Variants in SLC66A3 observed in about 807,000 individuals in gnomAD.
SLC66A3 encodes PQ loop repeat containing 3.
Under a neutral mutation model 25.5 loss-of-function variants are expected in SLC66A3, and 23 were observed. That is an observed-to-expected ratio of 0.90 (90% CI 0.65 to 1.28). The LOEUF is 1.28. Among genes scored for constraint, SLC66A3 ranks in the 50% most tolerant of loss-of-function variants. The pLI is 0.00. For synonymous variants in SLC66A3, 108 were observed against 112.6 expected (o/e 0.96, Z 0.26); for missense variants, 246 against 262.1 (o/e 0.94, Z 0.42).
At chr2:11,172,072 A>AG in intron 5 of SLC66A3, 27 bp downstream of exon 5, 1 of 1,612,052 alleles carries the variant, frequency 6.2e-7, no homozygotes, top group Non-Finnish European at 8.5e-7. Context: ...CATGGTGGGG[A>AG]GGCCTTTGGT....
At chr2:11,164,343 A>C in intron 4 of SLC66A3, 82 bp downstream of exon 4, 1 of 112,580 alleles carries the variant, frequency 8.9e-6, no homozygotes, top group Non-Finnish European at 1.5e-5. Context: ...ATATATATAT[A>C]TATTTTTTTT....
At chr2:11,166,496 C>T (rs1662349696) in intron 4 of SLC66A3, among the ~76,000 whole-genome samples, 1 of 152,210 alleles carries the variant, frequency 6.6e-6, no homozygotes, top group African/African-American at 2.4e-5. Context: ...ACTAGATTCT[C>T]TGTTACATTT....
chr2:11,156,136 T>A (rs1240525576), intron 1 of SLC66A3, among the ~76,000 whole-genome samples: 1 of 152,202 alleles, frequency 6.6e-6, no homozygotes, highest in Admixed American at 6.5e-5. Context: ...TATGAATCTC[T>A]TCTCTTCTCC....
chr2:11,156,182 T>C (rs1241477810), intron 1 of SLC66A3, among the ~76,000 whole-genome samples: 1 of 152,196 alleles, frequency 6.6e-6, no homozygotes. Context: ...GGTTATTTAA[T>C]GAGATTCCTT....
intron 4 of SLC66A3, among the ~76,000 whole-genome samples, chr2:11,165,380 G>A (rs994550010): frequency 2.7e-5 from 4 of 147,784 alleles, no homozygotes; most frequent in African/African-American, 5.0e-5. Flanking sequence ...CTTCCTAGAC[G>A]GGATGGTGGC....
At chr2:11,171,726 G>A (rs1388196681) in intron 4 of SLC66A3, among the ~76,000 whole-genome samples, 199 bp from the exon 5 acceptor site, 2 of 151,790 alleles carry the variant, frequency 1.3e-5, no homozygotes, top group Non-Finnish European at 2.9e-5. Flanking sequence ...CCACCACCAC[G>A]CCCAGCTAAT....
intron 4 of SLC66A3, among the ~76,000 whole-genome samples, chr2:11,168,096 C>A (rs997522979): frequency 1.3e-5 from 2 of 152,112 alleles, no homozygotes; most frequent in Admixed American, 1.3e-4. Flanking sequence ...CTGGCTAACA[C>A]GGTGAAACCT....
chr2:11,167,374 C>T (rs967351569), intron 4 of SLC66A3, among the ~76,000 whole-genome samples: 3 of 152,092 alleles, frequency 2.0e-5, no homozygotes, highest in South Asian at 2.1e-4. Flanking sequence ...ACCCGGGAGG[C>T]GGAGGTTGCA....
intron 3 of SLC66A3, 64 bp downstream of exon 3, chr2:11,160,758 G>A (rs1321820247): frequency 1.2e-6 from 2 of 1,610,022 alleles, no homozygotes; most frequent in Non-Finnish European, 1.7e-6. Flanking sequence ...GGTATGCATT[G>A]TGAAGCAGGC....
At chr2:11,173,925 T>C (rs950350050) in intron 5 of SLC66A3, among the ~76,000 whole-genome samples, 11 of 152,240 alleles carry the variant, frequency 7.2e-5, no homozygotes, top group African/African-American at 2.7e-4. Context: ...ATCTATAAAA[T>C]GCAAGGATAG....
In SLC66A3 at chr2:11,172,012, C is replaced by G. The variant is rs142961478; in HGVS notation, c.442C>G (p.Leu148Val). Residue 148 changes from leucine to valine, a missense_variant, in exon 5 of 7, where the codon CTG becomes GTG. Transcript: ENST00000295083. Reference sequence around the variant, plus strand: ...GAGAGACTCAGGAACTGTGAGTGCGCTGACTTGGAGCCTCTCTTCCTATAC... The same window carrying G: ...GAGAGACTCAGGAACTGTGAGTGCGGTGACTTGGAGCCTCTCTTCCTATAC... ...KTRDSGTVSALTWSLSSYTCA... is the reference protein window; with the variant it reads ...KTRDSGTVSAVTWSLSSYTCA... The G allele has an allele frequency of 1.2e-6, 2 of 1,613,996 alleles. No individual in the cohort carries two copies. The highest frequency in any genetic ancestry group is 1.3e-5 in the African/African-American group (1 of 74,928).
chr2:11,175,491 G>T (rs947151068), intron 6 of SLC66A3, among the ~76,000 whole-genome samples: 1 of 152,212 alleles, frequency 6.6e-6, no homozygotes. Context: ...GGTCATGAGC[G>T]AAGGACAAAG....
chr2:11,164,343 ATAT>A (rs1558252889), intron 4 of SLC66A3, 82 bp downstream of exon 4: 2 of 112,580 alleles, frequency 1.8e-5, no homozygotes, highest in Non-Finnish European at 3.1e-5. Context: ...ATATATATAT[ATAT>A]TTTTTTTTTT....
rs191659482 is a variant in SLC66A3, at chr2:11,165,959, G to A, written c.354+1698G>A. Among the ~76,000 whole-genome samples the A allele has an allele frequency of 1.0e-2, 1,518 of 152,348 alleles. 12 individuals carry two copies. The highest frequency in any genetic ancestry group is 0.015 in the Non-Finnish European group (994 of 68,032). On this transcript the variant is annotated intron_variant, in intron 4 of 6. Coordinates refer to ENST00000295083, the MANE Select transcript of SLC66A3 (RefSeq NM_152391.5). ...CAGGGAGGTTGCAGTGAGCCGAGATGGCGGCAGTCCAGTCCAGCTTCGGCT... is the reference window on the plus strand; with the variant it reads ...CAGGGAGGTTGCAGTGAGCCGAGATAGCGGCAGTCCAGTCCAGCTTCGGCT...
In SLC66A3 at chr2:11,155,695, G is replaced by T; in HGVS notation, c.143+6G>T. On this transcript the variant is annotated splice_donor_region_variant and intron_variant, in intron 1 of 6. Coordinates refer to ENST00000295083, the MANE Select transcript of SLC66A3 (RefSeq NM_152391.5). ...TTACTTCTGGAGCTGGCAGGGTAAG[G>T]CCCGGGGCGGCCGGGGCTGCCTCCT... 2 of 1,404,448 alleles carry T rather than the reference G, an allele frequency of 1.4e-6. No homozygotes were observed. The highest frequency in any genetic ancestry group is 9.2e-7 in the Non-Finnish European group (1 of 1,082,438). The allele number at this position is 1,404,448 out of a possible 1,614,324, so 87.0% of individuals were successfully genotyped here. A position where few individuals can be genotyped will look rare whatever the true frequency, so the allele number is the denominator to read the frequency against.
chr2:11,171,558 G>A (rs1662552492), intron 4 of SLC66A3, among the ~76,000 whole-genome samples: 1 of 151,552 alleles, frequency 6.6e-6, no homozygotes, highest in South Asian at 2.1e-4. Flanking sequence ...AATGCTTTGA[G>A]TATCTCGTGC....
At chr2:11,167,992 T>C (rs1249963497) in intron 4 of SLC66A3, among the ~76,000 whole-genome samples, 1 of 152,134 alleles carries the variant, frequency 6.6e-6, no homozygotes, top group African/African-American at 2.4e-5. Flanking sequence ...TTAAAAATGA[T>C]CTGCAAGGCC....
At chr2:11,159,812 C>T (rs1483564873) in intron 1 of SLC66A3, among the ~76,000 whole-genome samples, 1 of 152,172 alleles carries the variant, frequency 6.6e-6, no homozygotes, top group Admixed American at 6.5e-5. Context: ...GCAGGAAGCT[C>T]TGCCTTTTCT....
chr2:11,158,777 C>T (rs963091406), intron 1 of SLC66A3, among the ~76,000 whole-genome samples: 8 of 152,292 alleles, frequency 5.3e-5, no homozygotes, highest in African/African-American at 1.4e-4. Flanking sequence ...TGAGATCGCG[C>T]CACTGCACTC....
Sources: allele counts gnomAD v4.1 joint callset (sites outside exome capture counted in the v4.1 genomes callset), GRCh38; gene constraint gnomAD v4.1.1; transcripts MANE v1.5; gene names NCBI Gene and HGNC (gene_info 2026-07-23, HGNC 2026-07-21).